Variants in AADAC observed in about 807,000 individuals in gnomAD.
AADAC encodes the protein arylacetamide deacetylase (esterase).
AADAC carries 17 observed loss-of-function variants against 22.7 expected under a neutral mutation model. That is an observed-to-expected ratio of 0.75 (90% confidence interval 0.51 to 1.12). AADAC has a LOEUF of 1.12. Among genes scored for constraint, AADAC ranks in the 50% most tolerant of loss-of-function variants. The pLI, the probability that AADAC is intolerant of heterozygous loss-of-function variation, is 0.00. For missense variants in AADAC, 465 were observed against 473.9 expected (o/e 0.98, Z 0.17); for synonymous variants, 167 against 176.3 (o/e 0.95, Z 0.42).
chr3:151,818,593 C>T (rs1455345285), intron 2 of AADAC, among the ~76,000 whole-genome samples: 2 of 151,994 alleles, frequency 1.3e-5, no homozygotes, highest in South Asian at 2.1e-4. Context: ...TACAGCTCAG[C>T]GTTTGCCTTA....
rs1159019183 is a variant in AADAC, at chr3:151,820,815, G to A, written c.431+363G>A. 1.4e-5 allele frequency among the ~76,000 whole-genome samples: 2 copies of A among 139,240 alleles called. 1 individual carries two copies. Among genetic ancestry groups the A allele is most frequent in the Non-Finnish European group, 3.1e-5 (2 of 63,756 alleles). The allele number at this position is 139,240 out of a possible 152,430, so 91.3% of individuals were successfully genotyped here. A position where few individuals can be genotyped will look rare whatever the true frequency, so the allele number is the denominator to read the frequency against. On this transcript the variant is annotated intron_variant, in intron 3 of 4. Coordinates refer to ENST00000232892, the MANE Select transcript of AADAC (RefSeq NM_001086.3). ...TTACAGGCGTGAGCCACCGCGCTCA[G>A]CCGATTCTCTCAGCTTTCTCAGCCA...
chr3:151,815,369 CA>C (rs1715939282), intron 1 of AADAC, among the ~76,000 whole-genome samples: 1 of 151,938 alleles, frequency 6.6e-6, no homozygotes, highest in South Asian at 2.1e-4. Context: ...TTGACAAGTC[CA>C]AGAAATCATA....
chr3:151,827,538 A>C, intron 4 of AADAC, 38 bp from the exon 5 acceptor site: 2 of 1,343,424 alleles, frequency 1.5e-6, no homozygotes, highest in Non-Finnish European at 2.0e-6. Flanking sequence ...TTATTGTTTT[A>C]AATGAAAATG....
At chr3:151,820,497 C>A in intron 3 of AADAC, 45 bp downstream of exon 3, 1 of 1,063,544 alleles carries the variant, frequency 9.4e-7, no homozygotes, top group Non-Finnish European at 1.3e-6. Context: ...GTCTGACATG[C>A]CAAGATTTTC....
chr3:151,824,223 A>G (rs1576644836), intron 3 of AADAC, among the ~76,000 whole-genome samples: 1 of 152,022 alleles, frequency 6.6e-6, no homozygotes, highest in African/African-American at 2.4e-5. Flanking sequence ...TAATGGGTAA[A>G]TGATTTGTGG....
chr3:151,815,840 T>C (rs1161674688), intron 1 of AADAC, among the ~76,000 whole-genome samples: 1 of 151,936 alleles, frequency 6.6e-6, no homozygotes, highest in Non-Finnish European at 1.5e-5. Flanking sequence ...GGTTTGTCCC[T>C]TTTTTCCTGA....
In AADAC at chr3:151,814,524, G is replaced by A. The variant is rs114676543; in HGVS notation, c.138+224G>A. On this transcript the variant is annotated intron_variant, in intron 1 of 4. Coordinates refer to ENST00000232892, the MANE Select transcript of AADAC (RefSeq NM_001086.3). ...AAGAACAGCAAGCAAGGAGTCATTT[G>A]AATAGGTTTTGCTAAAAAGTACTTT... Among the ~76,000 whole-genome samples the A allele has an allele frequency of 5.8e-3, 876 of 152,100 alleles. 13 individuals are homozygous for A. The highest frequency in any genetic ancestry group is 0.01 in the Non-Finnish European group (682 of 67,946).
chr3:151,817,358 A>T lies in AADAC; in HGVS notation c.139-8A>T, dbSNP rs73869697. Reference sequence around the variant, plus strand: ...GAATTTCAGGAGGTTTGTGAATTTCATTTTTAGGCTACATTTGTGGAGCTC... The same window carrying T: ...GAATTTCAGGAGGTTTGTGAATTTCTTTTTTAGGCTACATTTGTGGAGCTC... On this transcript the variant is annotated splice_region_variant and splice_polypyrimidine_tract_variant and intron_variant, in intron 1 of 4. Coordinates refer to ENST00000232892, the MANE Select transcript of AADAC (RefSeq NM_001086.3). The T allele has an allele frequency of 3.0e-3, 4,897 of 1,607,990 alleles. 138 individuals are homozygous for T. The African/African-American group carries it at 0.056, about 18-fold the overall frequency.
rs1361563350 is a variant in AADAC at position 151,827,911 on chromosome 3, G to T, written c.939G>T (p.Gly313=). The T allele has an allele frequency of 1.2e-6, 2 of 1,611,386 alleles. No individual in the cohort carries two copies. Among genetic ancestry groups the T allele is most frequent in the Non-Finnish European group, 1.7e-6 (2 of 1,178,588 alleles). ...GSSELAKKYP[G]FLDVRAAPLL... ...CTGAGCTGGCTAAAAAATATCCAGG[G>T]TTCCTAGATGTGAGGGCAGCCCCTT... The change falls in exon 5 of 5, where the codon GGG becomes GGT. Residue 313 remains glycine (G), a synonymous_variant. Coordinates refer to ENST00000232892, the MANE Select transcript of AADAC (RefSeq NM_001086.3).
At chr3:151,825,834 A>C (rs1229835531) in intron 4 of AADAC, among the ~76,000 whole-genome samples, 2 of 151,900 alleles carry the variant, frequency 1.3e-5, no homozygotes, top group Non-Finnish European at 2.9e-5. Flanking sequence ...CAAAGGAACT[A>C]TTTTCCCATG....
chr3:151,818,874 G>C (rs1716113718), intron 2 of AADAC, among the ~76,000 whole-genome samples: 1 of 152,032 alleles, frequency 6.6e-6, no homozygotes, highest in African/African-American at 2.4e-5. Context: ...CCAATTATGT[G>C]AGAAAATCAC....
chr3:151,817,345 G>A (rs769303503), intron 1 of AADAC, 21 bp from the exon 2 acceptor site: 3 of 1,595,446 alleles, frequency 1.9e-6, no homozygotes, highest in Admixed American at 1.7e-5. Context: ...ATTTCAGGAG[G>A]TTTGTGAATT....
intron 2 of AADAC, among the ~76,000 whole-genome samples, chr3:151,818,614 G>A (rs1716102375): frequency 6.6e-6 from 1 of 152,046 alleles, no homozygotes; most frequent in Non-Finnish European, 1.5e-5. Context: ...TTTGAAACTG[G>A]TTCCACAAGT....
Position 151,828,059 on chromosome 3 carries a change from G to C in AADAC, c.1087G>C (p.Val363Leu), listed in dbSNP as rs146149654. ...CCGACTTCGCAACACTGGGGTTCAGGTGACTCATAACCATGTTGAGGATGG... is the reference window on the plus strand; with the variant it reads ...CCGACTTCGCAACACTGGGGTTCAGCTGACTCATAACCATGTTGAGGATGG... ...VTRLRNTGVQ[V>L]THNHVEDGFH... Residue 363 changes from valine (V) to leucine (L), a missense_variant, in exon 5 of 5, where the codon GTG (valine) becomes CTG (leucine). Val to Leu is a conservative substitution (Grantham distance 32, BLOSUM62 1). Coordinates refer to ENST00000232892, the MANE Select transcript of AADAC (RefSeq NM_001086.3). 7 of 1,613,246 alleles carry C rather than the reference G, an allele frequency of 4.3e-6. No individual in the cohort carries two copies. Among genetic ancestry groups the C allele is most frequent in the Non-Finnish European group, 5.9e-6 (7 of 1,179,430 alleles).
intron 2 of AADAC, among the ~76,000 whole-genome samples, chr3:151,818,506 C>T (rs968717130): frequency 6.6e-6 from 1 of 151,796 alleles, no homozygotes; most frequent in Non-Finnish European, 1.5e-5. Flanking sequence ...GCCTCCTGGT[C>T]GAAGAAGAGT....
At chr3:151,817,672 C>A in intron 2 of AADAC, 84 bp downstream of exon 2, 1 of 1,202,372 alleles carries the variant, frequency 8.3e-7, no homozygotes, top group Non-Finnish European at 1.2e-6. Flanking sequence ...ACATGCCCTT[C>A]GGCATGGACA....
chr3:151,821,389 C>G (rs1004134420), intron 3 of AADAC, among the ~76,000 whole-genome samples: 13 of 151,760 alleles, frequency 8.6e-5, no homozygotes, highest in Admixed American at 7.2e-4. Flanking sequence ...GGAAAGAGCA[C>G]TTAGGGACAG....
rs780788025 is a variant in AADAC, at chr3:151,824,735, A to C, written c.504A>C (p.Leu168Phe). 6.2e-7 allele frequency: 1 copy of C among 1,609,180 alleles called. No individual in the cohort carries two copies. The highest frequency in any genetic ancestry group is 1.1e-5 in the South Asian group (1 of 90,186). ...EDVYNALRWF[L>F]RKKVLAKYGV... ...TATATAATGCCTTAAGGTGGTTCTT[A>C]CGTAAAAAAGTTCTTGCAAAATATG... Residue 168 changes from leucine (L) to phenylalanine (F), a missense_variant, in exon 4 of 5, where the codon TTA (leucine) becomes TTC (phenylalanine). By Grantham distance (22) the Leu-to-Phe change is conservative. Coordinates refer to ENST00000232892, the MANE Select transcript of AADAC (RefSeq NM_001086.3).
In AADAC at chr3:151,828,230, G is replaced by T; in HGVS notation, c.*58G>T. 2 of 1,173,716 alleles carry T rather than the reference G, an allele frequency of 1.7e-6. No homozygotes were observed. Among genetic ancestry groups the T allele is most frequent in the East Asian group, 2.7e-5 (1 of 37,636 alleles). 72.7% of individuals were successfully genotyped at this position (1,173,716 alleles called of 1,614,324 possible). A position where few individuals can be genotyped will look rare whatever the true frequency, so the allele number is the denominator to read the frequency against. ...AAAATCTGAAAACCTCAGAAAATTT[G>T]CATTAGAAATTGGTCTTTCTTAGAA... On this transcript the variant is annotated 3_prime_UTR_variant, in exon 5 of 5. Coordinates refer to ENST00000232892, the MANE Select transcript of AADAC (RefSeq NM_001086.3).
Sources: allele counts gnomAD v4.1 joint callset (sites outside exome capture counted in the v4.1 genomes callset), GRCh38; gene constraint gnomAD v4.1.1; transcripts MANE v1.5; gene names NCBI Gene and HGNC (gene_info 2026-07-23, HGNC 2026-07-21).